The following CENPP variants were observed in gnomAD, a reference collection of about 807,000 sequenced individuals.
CENPP encodes the protein centromere protein P.
CENPP carries 24 observed loss-of-function variants against 35.6 expected under a neutral mutation model. That is an observed-to-expected ratio of 0.67 (90% CI 0.49 to 0.95). The LOEUF is 0.95. CENPP is among the 40% of genes least tolerant of loss of function. The pLI is 0.00. For missense variants in CENPP, 332 were observed against 345.3 expected, an observed-to-expected ratio of 0.96 and a Z score of 0.31; for synonymous variants, 120 against 125.5, an observed-to-expected ratio of 0.96 and a Z score of 0.29.
At chr9:92,495,916 C>G (rs1380254599) in intron 5 of CENPP, 1 of 985,086 alleles carries the variant, frequency 1.0e-6, no homozygotes, top group Non-Finnish European at 1.2e-6. Context: ...TTTTTGTTGT[C>G]ATTATGCTTC....
intron 5 of CENPP, among the ~76,000 whole-genome samples, chr9:92,518,704 C>T (rs914212583): frequency 6.6e-6 from 1 of 152,138 alleles, no homozygotes; most frequent in Non-Finnish European, 1.5e-5. Context: ...GCCTGGGCAA[C>T]ATGGTGAAAC....
At chr9:92,609,730 TTG>T (rs888102223) in intron 5 of CENPP, among the ~76,000 whole-genome samples, 1 of 152,224 alleles carries the variant, frequency 6.6e-6, no homozygotes, top group African/African-American at 2.4e-5. Flanking sequence ...AAAGACATTT[TTG>T]TGTGTGTGTG....
At chr9:92,360,647 TAAGAA>T (rs2130832221) in intron 4 of CENPP, among the ~76,000 whole-genome samples, 1 of 152,302 alleles carries the variant, frequency 6.6e-6, no homozygotes, top group African/African-American at 2.4e-5. Context: ...TTAAATAACT[TAAGAA>T]AAGGCTAATA....
intron 5 of CENPP, among the ~76,000 whole-genome samples, chr9:92,481,465 TG>T (rs1845908946): frequency 6.6e-6 from 1 of 152,168 alleles, no homozygotes; most frequent in Admixed American, 6.5e-5. Flanking sequence ...ATGTGGCCAC[TG>T]TTTCCTGGGT....
Position 92,501,844 on chromosome 9 carries a change from G to A in CENPP, c.565-109470G>A, listed in dbSNP as rs1846699174. On this transcript the variant is annotated intron_variant, in intron 5 of 7. Coordinates refer to ENST00000375587, the MANE Select transcript of CENPP (RefSeq NM_001012267.3). ...CAGTTGTCTGCTGGATTTGCTGCAG[G>A]GCTTGCTTCTGACTCCCTCCCCCTT... is the stretch of plus-strand genomic sequence containing the variant. Among the ~76,000 whole-genome samples the A allele has an allele frequency of 2.0e-5, 3 of 152,174 alleles. No homozygotes were observed. In the South Asian group the frequency reaches 6.2e-4, roughly 32 times the overall value.
In CENPP at chr9:92,525,201, C is replaced by T. The variant is rs570738429; in HGVS notation, c.565-86113C>T. Among the ~76,000 whole-genome samples the T allele has an allele frequency of 2.0e-5, 3 of 152,098 alleles. No homozygotes were observed. In the South Asian group the frequency reaches 6.2e-4, roughly 32 times the overall value. ...GGCATGGTGGTGCATACCTGTAGTC[C>T]TAGCTACTCAGGAGGCTGAGGCAGG... On this transcript the variant is annotated intron_variant, in intron 5 of 7. Coordinates refer to ENST00000375587, the MANE Select transcript of CENPP (RefSeq NM_001012267.3).
chr9:92,410,297 C>T (rs1473221743), intron 5 of CENPP, among the ~76,000 whole-genome samples: 1 of 152,076 alleles, frequency 6.6e-6, no homozygotes, highest in East Asian at 1.9e-4. Flanking sequence ...TTTTCAAGTA[C>T]CAAAAAATGA....
At chr9:92,495,515 A>T (rs1846304098) in intron 5 of CENPP, 2 of 983,420 alleles carry the variant, frequency 2.0e-6, no homozygotes, top group Non-Finnish European at 2.4e-6. Flanking sequence ...AAGAATAATT[A>T]ATTTGTATTT....
At chr9:92,515,339 T>C in intron 5 of CENPP, 1 of 1,190,350 alleles carries the variant, frequency 8.4e-7, no homozygotes, top group Non-Finnish European at 1.1e-6. Context: ...AAATGCACCT[T>C]GAAATTCTTG....
chr9:92,494,917 A>G (rs1029630493), intron 5 of CENPP, among the ~76,000 whole-genome samples: 7 of 152,124 alleles, frequency 4.6e-5, no homozygotes, highest in Middle Eastern at 3.2e-3. Context: ...AAAAATAATA[A>G]TAATAACATT....
At chr9:92,373,288 G>A (rs1053734279) in intron 4 of CENPP, among the ~76,000 whole-genome samples, 1 of 151,866 alleles carries the variant, frequency 6.6e-6, no homozygotes, top group Non-Finnish European at 1.5e-5. Context: ...ATATATTAAC[G>A]ACTGGGCTAT....
intron 5 of CENPP, among the ~76,000 whole-genome samples, chr9:92,552,741 G>A (rs1285438296): frequency 5.9e-5 from 9 of 152,092 alleles, no homozygotes; most frequent in Non-Finnish European, 1.0e-4. Context: ...CTGGTTATTA[G>A]TGCTTTGTCA....
chr9:92,466,259 AAT>A, intron 5 of CENPP: 1 of 827,542 alleles, frequency 1.2e-6, no homozygotes, highest in Non-Finnish European at 1.9e-6. Flanking sequence ...ATTATTCAAA[AAT>A]TAATTTTGGA....
intron 5 of CENPP, chr9:92,416,713 A>G (rs145256194): frequency 7.3e-4 from 1,175 of 1,613,766 alleles, no homozygotes; most frequent in Non-Finnish European, 9.3e-4. Context: ...TGAGTTCTAC[A>G]ATGTTGGGAA....
At chr9:92,500,116 A>G (rs896947293) in intron 5 of CENPP, among the ~76,000 whole-genome samples, 6 of 152,234 alleles carry the variant, frequency 3.9e-5, no homozygotes, top group African/African-American at 1.4e-4. Context: ...AGGAGTAGTA[A>G]CATAATCTAT....
In CENPP at chr9:92,613,185, C is replaced by T. The variant is rs372370836; in HGVS notation, c.*36C>T. Reference sequence around the variant, plus strand: ...GTGAACGTGGAGGATGAAGATGCTGCGTGGAGGAACATGCAATTTTATTCA... The same window carrying T: ...GTGAACGTGGAGGATGAAGATGCTGTGTGGAGGAACATGCAATTTTATTCA... On this transcript the variant is annotated 3_prime_UTR_variant, in exon 8 of 8. Coordinates refer to ENST00000375587, the MANE Select transcript of CENPP (RefSeq NM_001012267.3). 13 of 1,612,482 alleles carry T rather than the reference C, an allele frequency of 8.1e-6. No homozygotes were observed. The highest frequency in any genetic ancestry group is 3.3e-5 in the Admixed American group (2 of 59,940).
chr9:92,612,704 A>C, intron 7 of CENPP, 90 bp downstream of exon 7: 1 of 940,748 alleles, frequency 1.1e-6, no homozygotes, highest in East Asian at 2.4e-5. Context: ...AAAGGGCAAG[A>C]ATCAAAAATT....
intron 4 of CENPP, among the ~76,000 whole-genome samples, chr9:92,351,047 C>T (rs1841427064): frequency 6.6e-6 from 1 of 152,170 alleles, no homozygotes; most frequent in African/African-American, 2.4e-5. Flanking sequence ...GATTATTTAA[C>T]TTGTTTTCCT....
chr9:92,475,398 AC>A, intron 5 of CENPP, among the ~76,000 whole-genome samples: 1 of 152,214 alleles, frequency 6.6e-6, no homozygotes, highest in East Asian at 1.9e-4. Context: ...TCATAAACAA[AC>A]AAAAACAAAC....
Sources: allele counts gnomAD v4.1 joint callset (sites outside exome capture counted in the v4.1 genomes callset), GRCh38; gene constraint gnomAD v4.1.1; transcripts MANE v1.5; gene names NCBI Gene and HGNC (gene_info 2026-07-23, HGNC 2026-07-21).